The following FLI1 variants were observed in gnomAD, a reference collection of about 807,000 sequenced individuals.
FLI1 encodes the protein Fli-1 proto-oncogene, ETS transcription factor.
Under a neutral mutation model 53.1 loss-of-function variants are expected in FLI1, and 13 were observed. The ratio of observed to expected loss-of-function variants is 0.24; its 90% CI spans 0.16 to 0.39. The LOEUF (loss-of-function observed/expected upper bound fraction) is 0.39. Ranked by LOEUF, FLI1 falls within the 10% of genes least tolerant of loss-of-function variation. The pLI is 1.00. For synonymous variants in FLI1, 244 were observed against 236.7 expected, an observed-to-expected ratio of 1.03 and a Z score of -0.28; for missense variants, 424 against 600.5, an observed-to-expected ratio of 0.71 and a Z score of 3.07.
At chr11:128,804,129 G>T (rs995689973) in intron 5 of FLI1, 7 of 152,206 alleles carry the variant, frequency 4.6e-5, no homozygotes, top group African/African-American at 1.7e-4. Flanking sequence ...CAAAAAAAGT[G>T]TCCCTGTCTT....
intron 3 of FLI1, 97 bp downstream of exon 3, chr11:128,768,369 T>C (rs1591796197): frequency 1.3e-6 from 2 of 1,481,752 alleles, no homozygotes; most frequent in Middle Eastern, 1.7e-4. Context: ...CTATTCCCTG[T>C]GGAATTGCAA....
intron 1 of FLI1, among the ~76,000 whole-genome samples, chr11:128,753,595 A>G (rs1239375670): frequency 4.6e-5 from 7 of 152,234 alleles, no homozygotes; most frequent in Non-Finnish European, 1.0e-4. Context: ...AAAGAGCTTG[A>G]AGTACAAGGA....
At chr11:128,796,832 A>C (rs918525620) in intron 5 of FLI1, among the ~76,000 whole-genome samples, 1 of 152,224 alleles carries the variant, frequency 6.6e-6, no homozygotes, top group Non-Finnish European at 1.5e-5. Flanking sequence ...AAAATCAGCC[A>C]GGCATGGTGG....
At chr11:128,693,687 G>C (rs1252814778), upstream of FLI1, 3 of 232,560 alleles carry the variant, frequency 1.3e-5, no homozygotes, top group Admixed American at 5.6e-5. Flanking sequence ...GGAAGGTGAT[G>C]GGGGGAGGTT....
intron 1 of FLI1, among the ~76,000 whole-genome samples, chr11:128,757,827 A>G (rs558428020): frequency 2.6e-5 from 4 of 151,664 alleles, no homozygotes; most frequent in Non-Finnish European, 4.4e-5. Context: ...CCCTATCCCC[A>G]CCCTCCTTTT....
intron 2 of FLI1, among the ~76,000 whole-genome samples, chr11:128,767,358 C>G (rs1269860388): frequency 6.6e-6 from 1 of 152,226 alleles, no homozygotes; most frequent in Non-Finnish European, 1.5e-5. Flanking sequence ...TAGCAACCAG[C>G]TCTTTTGCAT....
chr11:128,770,321 G>C (rs976423776), intron 3 of FLI1, among the ~76,000 whole-genome samples: 8 of 152,206 alleles, frequency 5.3e-5, no homozygotes, highest in African/African-American at 1.7e-4. Flanking sequence ...GCTCCGGCTA[G>C]ATCTTTTAGG....
At chr11:128,731,383 C>T (rs1301641424) in intron 1 of FLI1, among the ~76,000 whole-genome samples, 1 of 152,038 alleles carries the variant, frequency 6.6e-6, no homozygotes. Context: ...AACACACCAG[C>T]GAGCCAGTGT....
chr11:128,747,793 G>C (rs534262581), intron 1 of FLI1, among the ~76,000 whole-genome samples: 3 of 152,300 alleles, frequency 2.0e-5, no homozygotes, highest in Non-Finnish European at 4.4e-5. Context: ...CTGGACAGTG[G>C]ACAGACCCAG....
At chr11:128,700,122 T>C (rs1022758964) in intron 1 of FLI1, among the ~76,000 whole-genome samples, 5 of 152,218 alleles carry the variant, frequency 3.3e-5, no homozygotes, top group African/African-American at 1.2e-4. Context: ...GACCTCATGA[T>C]AATAGTTGTT....
chr11:128,702,084 C>T (rs147934038), intron 1 of FLI1, among the ~76,000 whole-genome samples: 12 of 152,290 alleles, frequency 7.9e-5, no homozygotes, highest in East Asian at 1.9e-4. Context: ...TATGGAAAAG[C>T]GTATGTTTCA....
At chr11:128,757,114 C>CTTTCTT (rs1940923830) in intron 1 of FLI1, among the ~76,000 whole-genome samples, 6 of 66,826 alleles carry the variant, frequency 9.0e-5, no homozygotes, top group Admixed American at 5.5e-4. Flanking sequence ...CTTTCTTTCT[C>CTTTCTT]TCTTTCTGTT....
chr11:128,711,669 A>G (rs1475773404), intron 1 of FLI1, among the ~76,000 whole-genome samples: 1 of 152,152 alleles, frequency 6.6e-6, no homozygotes, highest in Admixed American at 6.5e-5. Flanking sequence ...CATAATGGCG[A>G]TTTCAGTTTC....
intron 1 of FLI1, among the ~76,000 whole-genome samples, chr11:128,698,149 G>A (rs184790534): frequency 6.6e-6 from 1 of 152,362 alleles, no homozygotes; most frequent in East Asian, 1.9e-4. Flanking sequence ...GTTGTCACTG[G>A]CAGGGCAGGG....
chr11:128,802,622 G>T (rs1942665933), intron 5 of FLI1, among the ~76,000 whole-genome samples: 1 of 152,236 alleles, frequency 6.6e-6, no homozygotes. Flanking sequence ...CTGTAGCATT[G>T]ATTGGGACTT....
chr11:128,777,630 T>C (rs1346714290), intron 4 of FLI1, among the ~76,000 whole-genome samples: 1 of 152,224 alleles, frequency 6.6e-6, no homozygotes, highest in Non-Finnish European at 1.5e-5. Context: ...CAGGTTTCCC[T>C]GGACCCAGTA....
intron 2 of FLI1, among the ~76,000 whole-genome samples, chr11:128,761,565 T>G (rs1191623602): frequency 6.6e-6 from 1 of 152,190 alleles, no homozygotes. Context: ...AGTTGATGCA[T>G]GGGCTTCTGA....
At chr11:128,792,270 C>A (rs1045798705) in intron 5 of FLI1, among the ~76,000 whole-genome samples, 2 of 152,138 alleles carry the variant, frequency 1.3e-5, no homozygotes, top group Non-Finnish European at 1.5e-5. Context: ...CATCTACCAC[C>A]CCCATCATGC....
At chr11:128,734,252 A>T (rs1939821831) in intron 1 of FLI1, among the ~76,000 whole-genome samples, 1 of 152,158 alleles carries the variant, frequency 6.6e-6, no homozygotes, top group Non-Finnish European at 1.5e-5. Context: ...ATTCAGCCAA[A>T]ACGTTTGGAG....
Sources: allele counts gnomAD v4.1 joint callset (sites outside exome capture counted in the v4.1 genomes callset), GRCh38; gene constraint gnomAD v4.1.1; transcripts MANE v1.5; gene names NCBI Gene and HGNC (gene_info 2026-07-23, HGNC 2026-07-21).